PATJ: variants seen among roughly 807,000 people sequenced by gnomAD.
PATJ encodes PATJ crumbs cell polarity complex component, also known as inaD-like protein.
A neutral mutation model predicts 224.9 loss-of-function variants in PATJ; 190 were observed. That is an observed-to-expected ratio of 0.84 (90% CI 0.75 to 0.95). The LOEUF (loss-of-function observed/expected upper bound fraction) is 0.95. Among genes scored for constraint, PATJ ranks in the 40% least tolerant of loss-of-function variants. The pLI, the probability that PATJ is intolerant of heterozygous loss-of-function variation, is 0.00. For missense variants in PATJ, 2,121 were observed against 2,270.3 expected (o/e 0.93, Z 1.34); for synonymous variants, 769 against 820.3 (o/e 0.94, Z 1.07).
chr1:61,875,967 T>G (rs1048284595), intron 21 of PATJ, among the ~76,000 whole-genome samples: 2 of 152,180 alleles, frequency 1.3e-5, no homozygotes, highest in Non-Finnish European at 2.9e-5. Flanking sequence ...ATTATAAAAT[T>G]GACATCCCTA....
chr1:61,781,756 T>C (rs532524868), intron 7 of PATJ, among the ~76,000 whole-genome samples: 50 of 152,202 alleles, frequency 3.3e-4, no homozygotes, highest in Non-Finnish European at 6.8e-4. Flanking sequence ...CTAGGAGGTT[T>C]CATAGGACTC....
At chr1:61,992,729 G>A (rs1343622769) in intron 28 of PATJ, among the ~76,000 whole-genome samples, 1 of 152,168 alleles carries the variant, frequency 6.6e-6, no homozygotes, top group African/African-American at 2.4e-5. Flanking sequence ...TAACAAATGA[G>A]CTGTGGCTGC....
At chr1:62,005,074 T>G (rs1646008582) in intron 28 of PATJ, among the ~76,000 whole-genome samples, 1 of 152,182 alleles carries the variant, frequency 6.6e-6, no homozygotes, top group African/African-American at 2.4e-5. Flanking sequence ...AATACGTAGT[T>G]TTTTTCACTT....
chr1:62,023,399 C>T (rs891177178), intron 29 of PATJ, among the ~76,000 whole-genome samples: 46 of 151,602 alleles, frequency 3.0e-4, no homozygotes, highest in African/African-American at 1.0e-3. Flanking sequence ...CATAAAGAAA[C>T]ATTCATTCAT....
At chr1:61,779,310 T>C (rs950029474) in intron 7 of PATJ, among the ~76,000 whole-genome samples, 9 of 152,220 alleles carry the variant, frequency 5.9e-5, no homozygotes, top group African/African-American at 2.2e-4. Flanking sequence ...GTTGATGTTG[T>C]AGTCTTGTGT....
At chr1:62,066,610 C>G (rs997148345) in intron 31 of PATJ, among the ~76,000 whole-genome samples, 1 of 152,122 alleles carries the variant, frequency 6.6e-6, no homozygotes, top group African/African-American at 2.4e-5. Context: ...AGGAATTAGG[C>G]TGGAACTGAC....
intron 33 of PATJ, among the ~76,000 whole-genome samples, chr1:62,107,378 A>T (rs377494771): frequency 1.3e-5 from 2 of 151,184 alleles, no homozygotes; most frequent in Non-Finnish European, 2.9e-5. Context: ...TCCATTCAGC[A>T]CTCTTCGGTT....
chr1:62,077,168 A>T (rs1658436109), intron 31 of PATJ, among the ~76,000 whole-genome samples: 1 of 152,162 alleles, frequency 6.6e-6, no homozygotes, highest in African/African-American at 2.4e-5. Flanking sequence ...ATGACCTAAA[A>T]ATTGTACATT....
intron 1 of PATJ, among the ~76,000 whole-genome samples, chr1:61,761,649 C>A (rs1645976952): frequency 6.6e-6 from 1 of 151,354 alleles, no homozygotes; most frequent in Non-Finnish European, 1.5e-5. Context: ...CTTAACAAGG[C>A]CTGTTTGTTC....
chr1:62,040,884 G>C (rs936631155), intron 30 of PATJ, among the ~76,000 whole-genome samples: 7 of 152,258 alleles, frequency 4.6e-5, no homozygotes, highest in South Asian at 4.2e-4. Flanking sequence ...TAGTTGGAAT[G>C]GACCCTTGAA....
chr1:61,947,545 C>G (rs1235112544), intron 27 of PATJ, among the ~76,000 whole-genome samples: 3 of 152,152 alleles, frequency 2.0e-5, no homozygotes, highest in African/African-American at 7.2e-5. Flanking sequence ...CTACAAACCA[C>G]TGCTCAATAA....
chr1:61,808,416 G>C (rs561224708), intron 13 of PATJ, 58 bp from the exon 14 acceptor site: 1 of 989,546 alleles, frequency 1.0e-6, no homozygotes, highest in Admixed American at 1.8e-5. Context: ...TTCAGAAAAT[G>C]TAGGAGGAAA....
intron 22 of PATJ, 51 bp downstream of exon 22, chr1:61,884,459 T>TG (rs755407497): frequency 2.9e-6 from 3 of 1,052,620 alleles, no homozygotes; most frequent in Non-Finnish European, 3.8e-6. Flanking sequence ...TGGTTTTTTT[T>TG]TTTTTTTTTT....
intron 12 of PATJ, among the ~76,000 whole-genome samples, chr1:61,802,196 C>T (rs1446917729): frequency 1.2e-4 from 19 of 152,104 alleles, no homozygotes; most frequent in South Asian, 6.2e-4. Context: ...TGGGTTCAAG[C>T]GATTCTCCTG....
chr1:62,152,147 A>T (rs1668695719), intron 42 of PATJ, among the ~76,000 whole-genome samples: 1 of 152,168 alleles, frequency 6.6e-6, no homozygotes, highest in African/African-American at 2.4e-5. Context: ...GACTAAGACA[A>T]AGAGGTTATA....
intron 41 of PATJ, among the ~76,000 whole-genome samples, chr1:62,135,300 T>C (rs574536075): frequency 6.6e-6 from 1 of 151,990 alleles, no homozygotes; most frequent in South Asian, 2.1e-4. Context: ...GGGGGATCGC[T>C]TCAGGTCAGG....
chr1:61,762,587 C>T (rs939581413), intron 1 of PATJ, among the ~76,000 whole-genome samples: 34 of 152,170 alleles, frequency 2.2e-4, no homozygotes, highest in African/African-American at 7.7e-4. Flanking sequence ...ACCAATTTTC[C>T]GAAGTGGTTG....
intron 27 of PATJ, 31 bp from the exon 28 acceptor site, chr1:61,990,137 C>A: frequency 6.9e-7 from 1 of 1,439,132 alleles, no homozygotes; most frequent in Non-Finnish European, 9.5e-7. Flanking sequence ...TCAAGCTACT[C>A]TATTTAATTT....
chr1:61,759,029 T>A (rs1053823405), intron 1 of PATJ, among the ~76,000 whole-genome samples: 2 of 152,176 alleles, frequency 1.3e-5, no homozygotes, highest in African/African-American at 4.8e-5. Flanking sequence ...AGACCAGATA[T>A]ATCCTGATAT....
Sources: allele counts gnomAD v4.1 joint callset (sites outside exome capture counted in the v4.1 genomes callset), GRCh38; gene constraint gnomAD v4.1.1; transcripts MANE v1.5; gene names NCBI Gene and HGNC (gene_info 2026-07-23, HGNC 2026-07-21).